The following C7 variants were observed in gnomAD, a reference collection of about 807,000 sequenced individuals.
C7 encodes complement component C7.
C7 carries 83 observed loss-of-function variants against 104.8 expected under a neutral mutation model. That is an observed-to-expected ratio of 0.79 (90% confidence interval 0.66 to 0.95). The LOEUF is 0.95. C7 is among the 40% of genes least tolerant of loss of function. The pLI is 0.00. For synonymous variants in C7, 415 were observed against 360.6 expected (o/e 1.15, Z -1.71); for missense variants, 1,070 against 1,011.2 (o/e 1.06, Z -0.79).
chr5:40,932,750 C>G (rs1398137882), intron 3 of C7, among the ~76,000 whole-genome samples: 1 of 152,020 alleles, frequency 6.6e-6, no homozygotes, highest in Non-Finnish European at 1.5e-5. Context: ...AGAAAGAACA[C>G]TAAATAGAAG....
At chr5:40,954,889 A>AAAAG (rs1554043279) in intron 9 of C7, 75 of 284,506 alleles carry the variant, frequency 2.6e-4, no homozygotes, top group Non-Finnish European at 3.8e-4. Context: ...AAAAAAAAAA[A>AAAAG]AAAAAAAAAA....
rs1741012512 is a variant in C7 at position 40,984,154 on chromosome 5, C to A, written c.*2581C>A. ...ACATCTTATGTATTTCCTAATTGAT[C>A]AAAAGTAGTGCTGCTTCTCTAAGCC... On this transcript the variant is annotated 3_prime_UTR_variant, in exon 18 of 18. Transcript: ENST00000313164. Among the ~76,000 whole-genome samples the A allele has an allele frequency of 6.6e-6, 1 of 152,176 alleles. No individual in the cohort carries two copies. Among genetic ancestry groups the A allele is most frequent in the Admixed American group, 6.5e-5 (1 of 15,270 alleles).
chr5:40,916,692 G>A (rs560101116), intron 1 of C7, among the ~76,000 whole-genome samples: 5 of 151,880 alleles, frequency 3.3e-5, no homozygotes, highest in Non-Finnish European at 7.4e-5. Flanking sequence ...TGACAGGATT[G>A]TACCAAATTT....
chr5:40,972,096 G>A, intron 14 of C7: 1 of 503,570 alleles, frequency 2.0e-6, no homozygotes, highest in East Asian at 5.1e-5. Context: ...GCTGTGAAAA[G>A]TTTGGTTTCA....
intron 3 of C7, among the ~76,000 whole-genome samples, chr5:40,933,962 G>T: frequency 7.1e-6 from 1 of 140,546 alleles, no homozygotes; most frequent in African/African-American, 2.7e-5. Context: ...TTGAGACGGT[G>T]TCTCACTTTA....
chr5:40,945,114 T>C (rs1470977552), intron 6 of C7, 84 bp from the exon 7 acceptor site: 1 of 728,718 alleles, frequency 1.4e-6, no homozygotes, highest in Non-Finnish European at 2.3e-6. Context: ...CTTTTCTCTT[T>C]GGGAAGATTG....
At chr5:40,925,029 G>T (rs1739522557) in intron 1 of C7, among the ~76,000 whole-genome samples, 1 of 152,306 alleles carries the variant, frequency 6.6e-6, no homozygotes, top group Admixed American at 6.5e-5. Context: ...TGTAGCAAGT[G>T]CTTGCTCCAC....
chr5:40,959,732 T>A (rs1740386148), intron 12 of C7, 112 bp downstream of exon 12: 1 of 811,312 alleles, frequency 1.2e-6, no homozygotes, highest in African/African-American at 1.7e-5. Context: ...TGGCTATTTT[T>A]ACCAGGGACT....
At chr5:40,933,621 T>C (rs1164751030) in intron 3 of C7, among the ~76,000 whole-genome samples, 1 of 152,230 alleles carries the variant, frequency 6.6e-6, no homozygotes, top group Non-Finnish European at 1.5e-5. Context: ...TTTGGATTAC[T>C]TAGGCTTCTG....
At chr5:40,974,556 C>T (rs1027191481) in intron 15 of C7, among the ~76,000 whole-genome samples, 4 of 152,042 alleles carry the variant, frequency 2.6e-5, no homozygotes, top group African/African-American at 4.8e-5. Flanking sequence ...GCTGGGACTA[C>T]AGGTGCTCGC....
At chr5:40,916,451 T>G (rs1739318691) in intron 1 of C7, among the ~76,000 whole-genome samples, 1 of 152,216 alleles carries the variant, frequency 6.6e-6, no homozygotes. Context: ...GGTTTCTTTT[T>G]AAAATCAGCC....
chr5:40,965,105 C>T (rs1486970552), intron 14 of C7, among the ~76,000 whole-genome samples: 2 of 152,116 alleles, frequency 1.3e-5, no homozygotes, highest in African/African-American at 4.8e-5. Context: ...CTTTCTGGTG[C>T]AAATTAAAGT....
intron 2 of C7, among the ~76,000 whole-genome samples, chr5:40,929,639 C>T (rs1056595233): frequency 2.6e-5 from 4 of 152,150 alleles, no homozygotes; most frequent in Admixed American, 6.6e-5. Context: ...TTTTATTCTT[C>T]GTAGAGCATC....
intron 1 of C7, among the ~76,000 whole-genome samples, chr5:40,927,480 A>G (rs545444238): frequency 6.6e-6 from 1 of 152,204 alleles, no homozygotes; most frequent in African/African-American, 2.4e-5. Context: ...GAAAATATTT[A>G]TAAGTCATAC....
intron 7 of C7, among the ~76,000 whole-genome samples, chr5:40,945,883 T>C (rs996615583): frequency 3.0e-5 from 3 of 100,860 alleles, no homozygotes; most frequent in African/African-American, 9.8e-5. Flanking sequence ...TACATATATA[T>C]ATATATATAT....
chr5:40,949,730 G>A (rs1740125897), intron 8 of C7, among the ~76,000 whole-genome samples, 174 bp from the exon 9 acceptor site: 1 of 152,108 alleles, frequency 6.6e-6, no homozygotes, highest in African/African-American at 2.4e-5. Flanking sequence ...AATAACAAAA[G>A]TCAATTTTTT....
chr5:40,957,963 C>T, intron 10 of C7, 70 bp from the exon 11 acceptor site: 1 of 1,109,938 alleles, frequency 9.0e-7, no homozygotes, highest in Non-Finnish European at 1.3e-6. Flanking sequence ...AGAGTCGTGC[C>T]TAAACATGAA....
At chr5:40,941,986 A>G (rs951967497) in intron 6 of C7, among the ~76,000 whole-genome samples, 4 of 152,234 alleles carry the variant, frequency 2.6e-5, no homozygotes, top group Non-Finnish European at 5.9e-5. Flanking sequence ...ACAGCCAGAG[A>G]GAAAAAAAGA....
intron 1 of C7, among the ~76,000 whole-genome samples, chr5:40,912,610 T>C (rs1434221197): frequency 6.6e-6 from 1 of 152,110 alleles, no homozygotes; most frequent in Non-Finnish European, 1.5e-5. Flanking sequence ...CCTACCACTT[T>C]GTCCTCCCCA....
Sources: allele counts gnomAD v4.1 joint callset (sites outside exome capture counted in the v4.1 genomes callset), GRCh38; gene constraint gnomAD v4.1.1; transcripts MANE v1.5; gene names NCBI Gene and HGNC (gene_info 2026-07-23, HGNC 2026-07-21).